Variants in CTNNA2 observed in about 807,000 individuals in gnomAD.
The protein encoded by CTNNA2 is catenin alpha 2.
In CTNNA2, 42 loss-of-function variants were observed where a neutral mutation model predicts 101.0. That is an observed-to-expected ratio of 0.42 (90% CI 0.32 to 0.54). The LOEUF is 0.54. CTNNA2 is among the 20% of genes least tolerant of loss of function. The pLI is 0.14. For missense variants in CTNNA2, 871 were observed against 1,223.1 expected (o/e 0.71, Z 4.29); for synonymous variants, 450 against 456.4 (o/e 0.99, Z 0.18).
At chr2:79,187,255 C>CTTTTTTT (rs1673790152) in intron 1 of CTNNA2, among the ~76,000 whole-genome samples, 2 of 100,646 alleles carry the variant, frequency 2.0e-5, no homozygotes, top group Admixed American at 1.0e-4. Flanking sequence ...CTTTTCTTTT[C>CTTTTTTT]TTTTCTTTTC....
At chr2:79,732,539 T>C (rs988659595) in intron 2 of CTNNA2, among the ~76,000 whole-genome samples, 2 of 152,102 alleles carry the variant, frequency 1.3e-5, no homozygotes, top group African/African-American at 4.8e-5. Flanking sequence ...AGAGAATGTA[T>C]GTGTTATTTA....
intron 2 of CTNNA2, among the ~76,000 whole-genome samples, chr2:79,282,699 A>G (rs1675428928): frequency 1.4e-5 from 2 of 144,086 alleles, no homozygotes; most frequent in South Asian, 2.4e-4. Context: ...GCTATTGCGA[A>G]TAGTGCCGCA....
chr2:80,510,434 T>A (rs1688619790), intron 9 of CTNNA2, among the ~76,000 whole-genome samples: 3 of 152,178 alleles, frequency 2.0e-5, no homozygotes, highest in Admixed American at 1.3e-4. Context: ...CACCTTGTAT[T>A]CCACCCTTGC....
intron 2 of CTNNA2, among the ~76,000 whole-genome samples, chr2:79,288,582 C>G (rs1675693133): frequency 6.6e-6 from 1 of 152,162 alleles, no homozygotes; most frequent in South Asian, 2.1e-4. Context: ...CTCTCCCTCT[C>G]TCTTTGTTTT....
chr2:79,342,083 A>G (rs1278441293), intron 3 of CTNNA2, among the ~76,000 whole-genome samples: 1 of 152,194 alleles, frequency 6.6e-6, no homozygotes, highest in African/African-American at 2.4e-5. Context: ...CAAGTGTCCC[A>G]GTATCATTTA....
intron 3 of CTNNA2, among the ~76,000 whole-genome samples, chr2:79,355,867 C>A (rs1349349458): frequency 6.6e-6 from 1 of 151,986 alleles, no homozygotes; most frequent in East Asian, 1.9e-4. Flanking sequence ...TAGTTTCCAC[C>A]ATTTGGCTAT....
intron 7 of CTNNA2, chr2:80,305,434 TG>T (rs1558988517): frequency 3.1e-6 from 3 of 952,852 alleles, no homozygotes; most frequent in Non-Finnish European, 3.7e-6. Flanking sequence ...CTGTCTGACA[TG>T]GGGAGGGCTT....
intron 3 of CTNNA2, among the ~76,000 whole-genome samples, chr2:79,785,293 C>T (rs1573963662): frequency 6.6e-6 from 1 of 151,892 alleles, no homozygotes; most frequent in East Asian, 1.9e-4. Flanking sequence ...GGATTTACTT[C>T]CCCTTACTCA....
intron 6 of CTNNA2, among the ~76,000 whole-genome samples, chr2:79,904,390 A>C (rs918398351): frequency 4.6e-5 from 7 of 152,116 alleles, no homozygotes; most frequent in Non-Finnish European, 7.4e-5. Context: ...TAGGTGACTC[A>C]GATAGCATAA....
At chr2:79,808,326 G>A (rs903254232) in intron 3 of CTNNA2, among the ~76,000 whole-genome samples, 2 of 152,138 alleles carry the variant, frequency 1.3e-5, no homozygotes, top group Non-Finnish European at 2.9e-5. Flanking sequence ...TTGCTGTTCA[G>A]AAAATATGTT....
chr2:80,207,523 A>G (rs1006075290), intron 7 of CTNNA2, among the ~76,000 whole-genome samples: 1 of 152,178 alleles, frequency 6.6e-6, no homozygotes, highest in African/African-American at 2.4e-5. Flanking sequence ...ACTAGGGCTT[A>G]TGGCATTAGG....
chr2:80,163,044 T>C, intron 7 of CTNNA2: 1 of 1,564,656 alleles, frequency 6.4e-7, no homozygotes, highest in East Asian at 2.2e-5. Flanking sequence ...ATTAAGTAGA[T>C]TCATTGCATA....
intron 1 of CTNNA2, among the ~76,000 whole-genome samples, chr2:79,556,881 A>T (rs184001387): frequency 2.2e-3 from 338 of 152,110 alleles, no homozygotes; most frequent in Non-Finnish European, 3.5e-3. Context: ...AAAACATAGG[A>T]AATAAATCAG....
Position 80,302,317 on chromosome 2 carries a change from C to G in CTNNA2, c.1057-90894C>G. The G allele has an allele frequency of 6.2e-7, 1 of 1,614,202 alleles. No individual in the cohort carries two copies. Among genetic ancestry groups the G allele is most frequent in the South Asian group, 1.1e-5 (1 of 91,072 alleles). On this transcript the variant is annotated intron_variant, in intron 7 of 18. Coordinates refer to ENST00000402739, the MANE Select transcript of CTNNA2 (RefSeq NM_001282597.3). This position sits in a 1 kb window ranked among gnomAD's most constrained non-coding sequence, Gnocchi z 6.4. Reference sequence around the variant, plus strand: ...ACGAGCCATACTCGTTGATGATCACCAGGGCTCCCTCAATGTGGTTCGGTT... The same window carrying G: ...ACGAGCCATACTCGTTGATGATCACGAGGGCTCCCTCAATGTGGTTCGGTT...
chr2:79,855,880 T>C (rs1681093771), intron 3 of CTNNA2, among the ~76,000 whole-genome samples: 1 of 152,248 alleles, frequency 6.6e-6, no homozygotes, highest in Admixed American at 6.5e-5. Flanking sequence ...TACCTTGGTG[T>C]ATAATGTTCT....
chr2:79,818,352 AC>A (rs1677701235), intron 3 of CTNNA2, among the ~76,000 whole-genome samples: 1 of 151,814 alleles, frequency 6.6e-6, no homozygotes, highest in Admixed American at 6.6e-5. Flanking sequence ...TCGCTCTTTT[AC>A]CCAGGCTGCA....
At chr2:79,459,818 C>T (rs907643278) in intron 4 of CTNNA2, among the ~76,000 whole-genome samples, 1 of 152,152 alleles carries the variant, frequency 6.6e-6, no homozygotes, top group African/African-American at 2.4e-5. Context: ...ACTTCTCCTT[C>T]TTGGTTCTTT....
intron 7 of CTNNA2, among the ~76,000 whole-genome samples, chr2:80,237,922 C>T (rs1024451990): frequency 4.6e-5 from 7 of 152,044 alleles, no homozygotes; most frequent in African/African-American, 1.2e-4. Context: ...TCTGGATACC[C>T]AGTTGGTGAC....
intron 4 of CTNNA2, among the ~76,000 whole-genome samples, chr2:79,432,292 C>T (rs899351079): frequency 6.6e-6 from 1 of 151,958 alleles, no homozygotes; most frequent in African/African-American, 2.4e-5. Flanking sequence ...TGGCTGAGAA[C>T]ATGGTAACTC....
Sources: allele counts gnomAD v4.1 joint callset (sites outside exome capture counted in the v4.1 genomes callset), GRCh38; gene constraint gnomAD v4.1.1; non-coding constraint Gnocchi (gnomAD v3.1); transcripts MANE v1.5; gene names NCBI Gene and HGNC (gene_info 2026-07-23, HGNC 2026-07-21).